Variants in KCNIP4 observed in about 807,000 individuals in gnomAD.
KCNIP4 encodes the protein Kv channel-interacting protein 4.
KCNIP4 carries 12 observed loss-of-function variants against 34.0 expected under a neutral mutation model. That is an observed-to-expected ratio of 0.35 (90% CI 0.23 to 0.57). KCNIP4 has a LOEUF of 0.57. Ranked by LOEUF, KCNIP4 falls within the 20% of genes least tolerant of loss-of-function variation. KCNIP4 has a pLI of 0.83. For missense variants in KCNIP4, 238 were observed against 311.7 expected, an observed-to-expected ratio of 0.76 and a Z score of 1.78; for synonymous variants, 124 against 102.2, an observed-to-expected ratio of 1.21 and a Z score of -1.29.
intron 5 of KCNIP4, among the ~76,000 whole-genome samples, chr4:20,739,459 G>A (rs1367817047): frequency 6.6e-6 from 1 of 152,172 alleles, no homozygotes; most frequent in East Asian, 1.9e-4. Context: ...ACAGGGTCTG[G>A]AGTGGACCTC....
intron 1 of KCNIP4, among the ~76,000 whole-genome samples, chr4:21,940,337 T>C (rs1730134310): frequency 6.6e-6 from 1 of 152,182 alleles, no homozygotes; most frequent in Non-Finnish European, 1.5e-5. Flanking sequence ...TCAATATCAC[T>C]GTGTGCTTCC....
At chr4:21,937,348 C>T (rs756692058) in intron 1 of KCNIP4, among the ~76,000 whole-genome samples, 5 of 152,088 alleles carry the variant, frequency 3.3e-5, no homozygotes, top group Admixed American at 2.0e-4. Context: ...CTTTCTCCCC[C>T]ACAACAGTCA....
chr4:20,927,874 C>T (rs890626359), intron 1 of KCNIP4, among the ~76,000 whole-genome samples: 5 of 152,118 alleles, frequency 3.3e-5, no homozygotes, highest in Admixed American at 1.3e-4. Flanking sequence ...AACAATGCAA[C>T]AGCATCTATC....
chr4:20,936,997 G>A (rs984191532), intron 1 of KCNIP4, among the ~76,000 whole-genome samples: 4 of 152,068 alleles, frequency 2.6e-5, no homozygotes, highest in Admixed American at 1.3e-4. Flanking sequence ...GGAAAAAAGC[G>A]TAACGTTCTT....
chr4:20,976,279 C>A lies in KCNIP4; in HGVS notation c.62-93570G>T, dbSNP rs143354489. ...TGGAAACTCCATGGGTTGGGCCCAA[C>A]AATCTGTGTCTAACAGGTCAGCTAG... On this transcript the variant is annotated intron_variant, in intron 1 of 8. Transcript: ENST00000382152. 9.1e-3 allele frequency among the ~76,000 whole-genome samples: 1,383 copies of A among 152,288 alleles called. 9 individuals carry two copies. The highest frequency in any genetic ancestry group is 0.027 in the Middle Eastern group (8 of 294).
At chr4:21,907,874 C>A (rs1264075273) in intron 1 of KCNIP4, among the ~76,000 whole-genome samples, 2 of 151,994 alleles carry the variant, frequency 1.3e-5, no homozygotes, top group Non-Finnish European at 2.9e-5. Context: ...AGAAAAAATA[C>A]CAAAAATAAT....
At chr4:21,609,224 A>C (rs1283350078) in intron 1 of KCNIP4, among the ~76,000 whole-genome samples, 1 of 152,226 alleles carries the variant, frequency 6.6e-6, no homozygotes, top group East Asian at 1.9e-4. Flanking sequence ...TGAGAAAAAT[A>C]AATTTTGAAT....
intron 1 of KCNIP4, among the ~76,000 whole-genome samples, chr4:21,353,238 T>C (rs980821457): frequency 2.0e-5 from 3 of 152,074 alleles, no homozygotes; most frequent in Non-Finnish European, 4.4e-5. Context: ...GCACCTCTTC[T>C]CCTCCAAAGG....
At chr4:21,896,051 T>G (rs1254220646) in intron 1 of KCNIP4, among the ~76,000 whole-genome samples, 2 of 152,128 alleles carry the variant, frequency 1.3e-5, no homozygotes, top group South Asian at 4.1e-4. Flanking sequence ...GTTTCAGATA[T>G]TTTACTGTAA....
chr4:21,572,651 A>G (rs992655803), intron 1 of KCNIP4, among the ~76,000 whole-genome samples: 12 of 129,222 alleles, frequency 9.3e-5, no homozygotes, highest in Non-Finnish European at 1.7e-4. Flanking sequence ...TTTTTTTTTG[A>G]GACTTGCTTT....
At chr4:20,807,213 T>G (rs2149427610) in intron 3 of KCNIP4, among the ~76,000 whole-genome samples, 1 of 152,314 alleles carries the variant, frequency 6.6e-6, no homozygotes, top group African/African-American at 2.4e-5. Flanking sequence ...ACACTTATAC[T>G]TTGGTCATTT....
chr4:21,280,215 A>G (rs1044289729), intron 1 of KCNIP4, among the ~76,000 whole-genome samples: 28 of 152,340 alleles, frequency 1.8e-4, no homozygotes, highest in African/African-American at 6.3e-4. Flanking sequence ...TGCTAAACAC[A>G]GCAACTATGT....
chr4:21,318,914 GA>G (rs199627887), intron 1 of KCNIP4, among the ~76,000 whole-genome samples: 2,347 of 151,998 alleles, frequency 0.015, 56 homozygotes, highest in East Asian at 0.056. Flanking sequence ...AACAAGCTGT[GA>G]AAAAAACTCA....
intron 1 of KCNIP4, among the ~76,000 whole-genome samples, chr4:21,323,452 T>C (rs1036477556): frequency 6.6e-6 from 1 of 152,068 alleles, no homozygotes; most frequent in Non-Finnish European, 1.5e-5. Context: ...TATTCTACTC[T>C]GTATCTTCAT....
chr4:21,080,946 T>C lies in KCNIP4; in HGVS notation c.62-198237A>G, dbSNP rs1472764385. Among the ~76,000 whole-genome samples the C allele has an allele frequency of 1.3e-5, 2 of 151,822 alleles. 1 individual carries two copies. Among genetic ancestry groups the C allele is most frequent in the African/African-American group, 4.9e-5 (2 of 41,204 alleles). On this transcript the variant is annotated intron_variant, in intron 1 of 8. Coordinates refer to ENST00000382152, the MANE Select transcript of KCNIP4 (RefSeq NM_025221.6). ...AGAGTAGCATGAAGTCTATAGAAAA[T>C]ATCCTCCACAAGTATGTAGTGGGAT...
chr4:21,725,572 C>T (rs1176886133), intron 1 of KCNIP4, among the ~76,000 whole-genome samples: 1 of 152,110 alleles, frequency 6.6e-6, no homozygotes, highest in Non-Finnish European at 1.5e-5. Context: ...AGGATTACTG[C>T]TTTGGAATAA....
At chr4:21,786,438 T>A (rs1300659347) in intron 1 of KCNIP4, among the ~76,000 whole-genome samples, 1 of 152,252 alleles carries the variant, frequency 6.6e-6, no homozygotes, top group African/African-American at 2.4e-5. Context: ...AGTCATTTTA[T>A]TATTGCCATA....
chr4:20,873,127 CG>C (rs1723662881), intron 2 of KCNIP4, among the ~76,000 whole-genome samples: 1 of 152,134 alleles, frequency 6.6e-6, no homozygotes, highest in Non-Finnish European at 1.5e-5. Context: ...CCTTCCACCA[CG>C]ATTGCCATGT....
intron 1 of KCNIP4, among the ~76,000 whole-genome samples, chr4:21,347,106 C>G (rs185320962): frequency 2.8e-3 from 432 of 152,108 alleles, no homozygotes; most frequent in Non-Finnish European, 5.5e-3. Flanking sequence ...TAGACTGAGC[C>G]CAATAAAGAG....
Sources: gnomAD v4.1 joint callset for allele counts (sites outside exome capture counted in the v4.1 genomes callset) on GRCh38, gnomAD v4.1.1 for gene constraint, MANE v1.5 for transcripts, NCBI Gene and HGNC (gene_info 2026-07-23, HGNC 2026-07-21) for gene names.